The following TLCD4 variants were observed in gnomAD, a reference collection of about 807,000 sequenced individuals.
The protein encoded by TLCD4 is TLC domain-containing protein 4.
Under a neutral mutation model 24.2 loss-of-function variants are expected in TLCD4, and 7 were observed. The ratio of observed to expected loss-of-function variants is 0.29; its 90% confidence interval spans 0.16 to 0.54. The LOEUF (loss-of-function observed/expected upper bound fraction) is 0.54, where lower values mean the gene tolerates loss of function less well. Ranked by LOEUF, TLCD4 falls within the 20% of genes least tolerant of loss-of-function variation. TLCD4 has a pLI of 0.95. For synonymous variants in TLCD4, 103 were observed against 106.4 expected (o/e 0.97, Z 0.20); for missense variants, 259 against 313.9 (o/e 0.82, Z 1.32).
chr1:95,101,245 T>G, the TLCD4 span, among the ~76,000 whole-genome samples: 1 of 151,918 alleles, frequency 6.6e-6, no homozygotes, highest in Non-Finnish European at 1.5e-5. Context: ...CTGGGGAGCT[T>G]CTTTTTATTT....
At chr1:95,148,812 A>C (rs758925555) in intron 3 of TLCD4, 21 bp downstream of exon 3, 2 of 1,604,604 alleles carry the variant, frequency 1.2e-6, no homozygotes, top group East Asian at 4.5e-5. Context: ...TCTTTTTCTA[A>C]GATTGCCAAT....
At chr1:95,154,941 C>A (rs1377777003) in intron 5 of TLCD4, among the ~76,000 whole-genome samples, 2 of 150,742 alleles carry the variant, frequency 1.3e-5, no homozygotes, top group African/African-American at 4.9e-5. Context: ...AGAACACGGT[C>A]ACGTTTTTAC....
rs1398224106 is a variant in TLCD4 at position 95,117,591 on chromosome 1, C to G, written c.-38C>G. 6.5e-6 allele frequency: 1 copy of G among 153,504 alleles called. No homozygotes were observed. The highest frequency in any genetic ancestry group is 2.4e-5 in the African/African-American group (1 of 41,436). 9.5% of individuals were successfully genotyped at this position (153,504 alleles called of 1,614,324 possible). A position where few individuals can be genotyped will look rare whatever the true frequency, so the allele number is the denominator to read the frequency against. Reference sequence around the variant, plus strand: ...CGGCTCGGCGCAGCCGCCGCCCGCGCGCGACTCGCCCCGGGACCCGGCACA... The same window carrying G: ...CGGCTCGGCGCAGCCGCCGCCCGCGGGCGACTCGCCCCGGGACCCGGCACA... On this transcript the variant is annotated 5_prime_UTR_variant, in exon 1 of 7. Coordinates refer to ENST00000370203, the MANE Select transcript of TLCD4 (RefSeq NM_152487.3).
At chr1:95,151,276 G>A in intron 4 of TLCD4, 49 bp from the exon 5 acceptor site, 1 of 1,586,952 alleles carries the variant, frequency 6.3e-7, no homozygotes, top group South Asian at 1.1e-5. Context: ...TTGAAAAACA[G>A]TGCAACTTTC....
In TLCD4 at chr1:95,146,351, A is replaced by G. The variant is rs536656727; in HGVS notation, c.155+2295A>G. Among the ~76,000 whole-genome samples the G allele has an allele frequency of 6.0e-4, 91 of 152,268 alleles. 1 individual carries two copies. The highest frequency in any genetic ancestry group is 9.8e-4 in the Admixed American group (15 of 15,286). On this transcript the variant is annotated intron_variant, in intron 2 of 6. Coordinates refer to ENST00000370203, the MANE Select transcript of TLCD4 (RefSeq NM_152487.3). ...ATTCACTTTCTTACCTATCACATTG[A>G]AAGTCTTATTGTGTTGAAATACTAC...
the TLCD4 span, among the ~76,000 whole-genome samples, chr1:95,099,479 TTTTA>T: frequency 0.51 from 77,314 of 151,600 alleles, 21,160 homozygotes; most frequent in Non-Finnish European, 0.6. Flanking sequence ...AAAACTCTAT[TTTTA>T]TTTATTATAT....
At chr1:95,151,589 C>T (rs1266156878) in intron 5 of TLCD4, among the ~76,000 whole-genome samples, 170 bp downstream of exon 5, 1 of 151,950 alleles carries the variant, frequency 6.6e-6, no homozygotes, top group Non-Finnish European at 1.5e-5. Context: ...AAAATAATAC[C>T]TTTATGTGTG....
intron 5 of TLCD4, among the ~76,000 whole-genome samples, chr1:95,154,649 A>C (rs149799011): frequency 2.2e-4 from 33 of 152,214 alleles, no homozygotes. Flanking sequence ...ACTGTTTCAC[A>C]TGAGTCTGAT....
intron 1 of TLCD4, among the ~76,000 whole-genome samples, chr1:95,126,768 A>G (rs1676747134): frequency 6.6e-6 from 1 of 152,148 alleles, no homozygotes; most frequent in Non-Finnish European, 1.5e-5. Context: ...CAGGCTCCTG[A>G]CATGATGGTC....
chr1:95,111,323 A>AAGAAAAGAAAAG, the TLCD4 span, among the ~76,000 whole-genome samples: 1 of 128,222 alleles, frequency 7.8e-6, no homozygotes, highest in African/African-American at 2.8e-5. Context: ...CAAAACAAAA[A>AAGAAAAGAAAAG]AAAAGAAAAG....
chr1:95,149,892 T>G (rs1282211207), intron 3 of TLCD4, among the ~76,000 whole-genome samples: 1 of 152,206 alleles, frequency 6.6e-6, no homozygotes, highest in East Asian at 1.9e-4. Flanking sequence ...GCACAACTTG[T>G]GCTAAATCTT....
At chr1:95,156,059 T>G (rs560268646) in intron 5 of TLCD4, among the ~76,000 whole-genome samples, 1 of 152,268 alleles carries the variant, frequency 6.6e-6, no homozygotes, top group South Asian at 2.1e-4. Context: ...GTAGAAATAC[T>G]GGGCTTAGTA....
Position 95,197,298 on chromosome 1 carries a change from A to T in TLCD4, c.*5430A>T, listed in dbSNP as rs1413206589. On this transcript the variant is annotated 3_prime_UTR_variant, in exon 7 of 7. Coordinates refer to ENST00000370203, the MANE Select transcript of TLCD4 (RefSeq NM_152487.3). ...TTTGTTTCCTGGTTGTTTTATTTGGAGGGATAATAAATGTCTAAGTTATTT... is the reference window on the plus strand; with the variant it reads ...TTTGTTTCCTGGTTGTTTTATTTGGTGGGATAATAAATGTCTAAGTTATTT... 2.6e-5 allele frequency: 4 copies of T among 152,116 alleles called. No homozygotes were observed. Among genetic ancestry groups the T allele is most frequent in the Non-Finnish European group, 5.9e-5 (4 of 67,996 alleles). 9.4% of individuals were successfully genotyped at this position (152,116 alleles called of 1,614,324 possible).
upstream of TLCD4, among the ~76,000 whole-genome samples, chr1:95,117,102 A>G (rs1236072835): frequency 6.6e-6 from 1 of 152,200 alleles, no homozygotes; most frequent in African/African-American, 2.4e-5. Context: ...GGGCTCACAC[A>G]GTTCCCCCGC....
the TLCD4 span, among the ~76,000 whole-genome samples, chr1:95,098,121 T>C: frequency 1.3e-5 from 2 of 152,190 alleles, no homozygotes; most frequent in East Asian, 3.9e-4. Flanking sequence ...TGTACTCTCA[T>C]TTAGGCCTCA....
chr1:95,132,211 T>A (rs1013820482), intron 1 of TLCD4, among the ~76,000 whole-genome samples: 5 of 151,898 alleles, frequency 3.3e-5, no homozygotes, highest in Non-Finnish European at 7.4e-5. Flanking sequence ...TCCCAGCACT[T>A]TGGAAGGCCA....
intron 6 of TLCD4, among the ~76,000 whole-genome samples, chr1:95,187,580 T>G (rs755555819): frequency 6.6e-6 from 1 of 152,180 alleles, no homozygotes; most frequent in African/African-American, 2.4e-5. Context: ...ATCACACATA[T>G]TAGGACTGCA....
At chr1:95,132,052 A>T (rs963091212) in intron 1 of TLCD4, among the ~76,000 whole-genome samples, 1 of 152,200 alleles carries the variant, frequency 6.6e-6, no homozygotes, top group African/African-American at 2.4e-5. Flanking sequence ...GACCTTCTCC[A>T]CTATGTTATG....
At chr1:95,103,312 A>G in the TLCD4 span, among the ~76,000 whole-genome samples, 1 of 152,166 alleles carries the variant, frequency 6.6e-6, no homozygotes, top group Non-Finnish European at 1.5e-5. Flanking sequence ...GTGAAACTCC[A>G]TTGGATTTAA....
Sources: gnomAD v4.1 joint callset for allele counts (sites outside exome capture counted in the v4.1 genomes callset) on GRCh38, gnomAD v4.1.1 for gene constraint, MANE v1.5 for transcripts, NCBI Gene and HGNC (gene_info 2026-07-23, HGNC 2026-07-21) for gene names.